Variants in ZFAND3 observed in about 807,000 individuals in gnomAD.
ZFAND3 encodes zinc finger AN1-type containing 3.
In ZFAND3, 10 loss-of-function variants were observed where a neutral mutation model predicts 29.6. The observed-to-expected ratio is 0.34, with a 90% CI of 0.21 to 0.57. The LOEUF (loss-of-function observed/expected upper bound fraction) is 0.57, where lower values mean the gene tolerates loss of function less well. Among genes scored for constraint, ZFAND3 ranks in the 20% least tolerant of loss-of-function variants. ZFAND3 has a pLI of 0.86. For missense variants in ZFAND3, 230 were observed against 304.5 expected, an observed-to-expected ratio of 0.76 and a Z score of 1.82; for synonymous variants, 128 against 112.6, an observed-to-expected ratio of 1.14 and a Z score of -0.87.
At chr6:38,118,425 C>G (rs1230197863) in intron 5 of ZFAND3, among the ~76,000 whole-genome samples, 2 of 152,108 alleles carry the variant, frequency 1.3e-5, no homozygotes, top group Non-Finnish European at 2.9e-5. Flanking sequence ...GTGAGCCTAC[C>G]TGGTCATTTT....
intron 4 of ZFAND3, among the ~76,000 whole-genome samples, chr6:38,099,014 C>G (rs150683521): frequency 1.3e-5 from 2 of 152,048 alleles, no homozygotes; most frequent in Non-Finnish European, 2.9e-5. Context: ...GAAAGTAATT[C>G]TTAACAGAGA....
intron 5 of ZFAND3, among the ~76,000 whole-genome samples, chr6:38,120,320 C>CTTGTTTTTTTTTTTTTTTTTTTTTTT (rs1765506715): frequency 1.6e-5 from 1 of 60,694 alleles, no homozygotes; most frequent in African/African-American, 5.6e-5. Context: ...GCTTGGCTTC[C>CTTGTTTTTTTTTTTTTTTTTTTTTTT]TTTTTTTTTT....
intron 2 of ZFAND3, among the ~76,000 whole-genome samples, chr6:37,986,053 A>G (rs1015462519): frequency 1.3e-5 from 2 of 152,216 alleles, no homozygotes; most frequent in Admixed American, 6.5e-5. Flanking sequence ...AAAAGTAGAC[A>G]TTGTCTGCAG....
At chr6:37,853,325 C>T (rs1413585894) in intron 1 of ZFAND3, among the ~76,000 whole-genome samples, 1 of 148,530 alleles carries the variant, frequency 6.7e-6, no homozygotes, top group African/African-American at 2.5e-5. Context: ...CATGAGATCC[C>T]AGGAGCACAA....
intron 4 of ZFAND3, among the ~76,000 whole-genome samples, chr6:38,107,859 T>C (rs1459440034): frequency 6.6e-6 from 1 of 151,960 alleles, no homozygotes; most frequent in East Asian, 1.9e-4. Flanking sequence ...ATTGATTGCT[T>C]GATTGATTGA....
intron 2 of ZFAND3, among the ~76,000 whole-genome samples, chr6:38,034,456 A>G (rs1359895028): frequency 1.3e-5 from 2 of 152,182 alleles, no homozygotes. Context: ...TTGCATTTCC[A>G]GTTCAAGATA....
At chr6:37,825,157 C>T (rs896323566) in intron 1 of ZFAND3, among the ~76,000 whole-genome samples, 2 of 152,086 alleles carry the variant, frequency 1.3e-5, no homozygotes, top group African/African-American at 4.8e-5. Flanking sequence ...ACTCATTTTG[C>T]CTCTTCAGTC....
At chr6:37,927,388 C>T (rs1265092284) in intron 1 of ZFAND3, among the ~76,000 whole-genome samples, 7 of 152,106 alleles carry the variant, frequency 4.6e-5, no homozygotes, top group Non-Finnish European at 1.5e-5. Context: ...AGATAGTGAC[C>T]GCATCAGAAG....
chr6:38,139,708 G>A (rs1765911064), intron 5 of ZFAND3, among the ~76,000 whole-genome samples: 1 of 152,214 alleles, frequency 6.6e-6, no homozygotes, highest in Non-Finnish European at 1.5e-5. Flanking sequence ...ATCTCATCAT[G>A]TTGGCTGCCC....
At chr6:37,957,430 T>G (rs1762103867) in intron 2 of ZFAND3, among the ~76,000 whole-genome samples, 2 of 152,268 alleles carry the variant, frequency 1.3e-5, no homozygotes, top group South Asian at 4.2e-4. Flanking sequence ...GGTGATAACC[T>G]GCTTTACAGT....
At chr6:37,925,013 G>A (rs889652715) in intron 1 of ZFAND3, among the ~76,000 whole-genome samples, 1 of 151,892 alleles carries the variant, frequency 6.6e-6, no homozygotes, top group Non-Finnish European at 1.5e-5. Context: ...GAATGAGGGG[G>A]CAGAATGATA....
chr6:38,057,734 G>A (rs1298037306), intron 2 of ZFAND3, among the ~76,000 whole-genome samples: 1 of 152,158 alleles, frequency 6.6e-6, no homozygotes, highest in East Asian at 1.9e-4. Context: ...CTCAGTTTCT[G>A]GTGAGTTGTA....
chr6:38,045,054 T>TTCATTTA (rs1763869633), intron 2 of ZFAND3, among the ~76,000 whole-genome samples: 1 of 134,738 alleles, frequency 7.4e-6, no homozygotes, highest in African/African-American at 2.7e-5. Context: ...GTGGAAATTC[T>TTCATTTA]TTTATTTATT....
chr6:37,954,622 G>A (rs1471984955), intron 2 of ZFAND3, among the ~76,000 whole-genome samples: 1 of 152,054 alleles, frequency 6.6e-6, no homozygotes, highest in Non-Finnish European at 1.5e-5. Flanking sequence ...CCAGTTCTGG[G>A]TTAGTTTTGA....
intron 3 of ZFAND3, among the ~76,000 whole-genome samples, chr6:38,078,057 A>G (rs1162759026): frequency 6.6e-6 from 1 of 152,218 alleles, no homozygotes; most frequent in African/African-American, 2.4e-5. Flanking sequence ...TGAAGTGAGT[A>G]TGCAGATTTG....
In ZFAND3 at chr6:38,152,623, G is replaced by C; in HGVS notation, c.*234G>C. ...CCATTGTATAAAATTAAAACATGAA[G>C]AATATTTTTTTTTTGAGCATGGCTA... On this transcript the variant is annotated 3_prime_UTR_variant, in exon 6 of 6. Transcript: ENST00000287218. 8.2e-7 allele frequency: 1 copy of C among 1,221,866 alleles called. No individual in the cohort carries two copies. 75.7% of individuals were successfully genotyped at this position (1,221,866 alleles called of 1,614,324 possible). A position where few individuals can be genotyped will look rare whatever the true frequency, so the allele number is the denominator to read the frequency against.
At chr6:38,103,978 C>T (rs1279943429) in intron 4 of ZFAND3, among the ~76,000 whole-genome samples, 1 of 152,208 alleles carries the variant, frequency 6.6e-6, no homozygotes, top group East Asian at 1.9e-4. Flanking sequence ...TTGTCATTTA[C>T]AATGAGAACT....
At chr6:38,057,650 G>A (rs903656840) in intron 2 of ZFAND3, among the ~76,000 whole-genome samples, 1 of 152,140 alleles carries the variant, frequency 6.6e-6, no homozygotes, top group South Asian at 2.1e-4. Flanking sequence ...GCCAGGTCAG[G>A]ATTTGAATCC....
chr6:38,041,681 T>TTCTCCTTCTCCTTCTCCTTCTC (rs1763773074), intron 2 of ZFAND3, among the ~76,000 whole-genome samples: 1 of 13,738 alleles, frequency 7.3e-5, no homozygotes, highest in Non-Finnish European at 1.5e-4. Flanking sequence ...TTCTTCTTCT[T>TTCTCCTTCTCCTTCTCCTTCTC]CTTCTCCTTC....
Sources: allele counts gnomAD v4.1 joint callset (sites outside exome capture counted in the v4.1 genomes callset), GRCh38; gene constraint gnomAD v4.1.1; transcripts MANE v1.5; gene names NCBI Gene and HGNC (gene_info 2026-07-23, HGNC 2026-07-21).